Variants in CNOT6L observed in about 807,000 individuals in gnomAD.
CNOT6L encodes CCR4-NOT transcription complex subunit 6 like.
In CNOT6L, 7 loss-of-function variants were observed where a neutral mutation model predicts 64.0. The observed-to-expected ratio is 0.11, with a 90% CI of 0.06 to 0.21. The LOEUF (loss-of-function observed/expected upper bound fraction) is 0.21, where lower values mean the gene tolerates loss of function less well. Ranked by LOEUF, CNOT6L falls within the 10% of genes least tolerant of loss-of-function variation. The probability of loss-of-function intolerance (pLI) is 1.00; values close to 1 mark genes in which losing one functional copy is unlikely to be tolerated. For synonymous variants in CNOT6L, 193 were observed against 243.4 expected, an observed-to-expected ratio of 0.79 and a Z score of 1.93; for missense variants, 245 against 669.0, an observed-to-expected ratio of 0.37 and a Z score of 6.99.
chr4:77,808,391 G>A (rs1221897790), intron 1 of CNOT6L, among the ~76,000 whole-genome samples: 2 of 151,690 alleles, frequency 1.3e-5, no homozygotes, highest in Admixed American at 1.3e-4. Context: ...GAACCTGGGA[G>A]GTGGAGGTTG....
chr4:77,726,044 A>C, intron 11 of CNOT6L, 123 bp downstream of exon 11: 1 of 876,694 alleles, frequency 1.1e-6, no homozygotes, highest in Non-Finnish European at 1.8e-6. Context: ...TACTTAGCCT[A>C]GACATTTTAA....
At chr4:77,798,219 G>T (rs1731097351) in intron 1 of CNOT6L, among the ~76,000 whole-genome samples, 3 of 152,156 alleles carry the variant, frequency 2.0e-5, no homozygotes, top group African/African-American at 7.2e-5. Context: ...GGAGGCTGAG[G>T]CAGGAGGACT....
chr4:77,746,233 T>C (rs560204557), intron 6 of CNOT6L, among the ~76,000 whole-genome samples: 61 of 152,292 alleles, frequency 4.0e-4, no homozygotes, highest in Non-Finnish European at 6.5e-4. Flanking sequence ...CCAAAACTCT[T>C]TATATCCCTG....
chr4:77,751,871 T>TA (rs1289731937), intron 5 of CNOT6L, among the ~76,000 whole-genome samples: 1 of 152,056 alleles, frequency 6.6e-6, no homozygotes, highest in Non-Finnish European at 1.5e-5. Flanking sequence ...GACCTGCCCT[T>TA]AAAAAATAGC....
intron 1 of CNOT6L, among the ~76,000 whole-genome samples, chr4:77,801,694 G>C (rs140483130): frequency 0.035 from 4,739 of 135,834 alleles, 835 homozygotes; most frequent in Middle Eastern, 0.076. Context: ...AAAAATTGGG[G>C]GGGGGGGAGA....
chr4:77,783,083 A>C (rs1268411271), intron 1 of CNOT6L, among the ~76,000 whole-genome samples: 1 of 149,202 alleles, frequency 6.7e-6, no homozygotes, highest in Non-Finnish European at 1.5e-5. Context: ...TTATAAAATA[A>C]TGCAAACATT....
chr4:77,782,873 CAAA>C (rs1172870643), intron 1 of CNOT6L, among the ~76,000 whole-genome samples: 1 of 152,032 alleles, frequency 6.6e-6, no homozygotes, highest in Non-Finnish European at 1.5e-5. Flanking sequence ...GCTGATACTA[CAAA>C]AACTGCCCCT....
chr4:77,818,627 AG>A, intron 1 of CNOT6L, among the ~76,000 whole-genome samples: 1 of 152,258 alleles, frequency 6.6e-6, no homozygotes, highest in East Asian at 1.9e-4. Flanking sequence ...GGCCGGGCGA[AG>A]GCTTGCAGTT....
intron 8 of CNOT6L, among the ~76,000 whole-genome samples, chr4:77,734,565 G>A (rs1722758193): frequency 6.6e-6 from 1 of 151,952 alleles, no homozygotes; most frequent in African/African-American, 2.4e-5. Flanking sequence ...ATTTTTCTGT[G>A]GTCTCAGCTG....
chr4:77,718,685 G>A lies in CNOT6L; in HGVS notation c.*1746C>T, dbSNP rs962366343. 10 of 152,330 alleles carry A rather than the reference G, an allele frequency of 6.6e-5. No individual in the cohort carries two copies. The highest frequency in any genetic ancestry group is 2.2e-4 in the African/African-American group (9 of 41,344). The allele number at this position is 152,330 out of a possible 1,614,324, so 9.4% of individuals were successfully genotyped here. A position where few individuals can be genotyped will look rare whatever the true frequency, so the allele number is the denominator to read the frequency against. On this transcript the variant is annotated 3_prime_UTR_variant, in exon 12 of 12. Transcript: ENST00000504123. ...GATATGACATCATCCCACCACCCTC[G>A]TCCCACTAAAATTACCCTCTGGGGA...
chr4:77,812,982 T>C (rs995025925), intron 1 of CNOT6L, among the ~76,000 whole-genome samples: 5 of 152,198 alleles, frequency 3.3e-5, no homozygotes, highest in Non-Finnish European at 7.4e-5. Context: ...AAGACCATAC[T>C]AGTATAAGGA....
intron 1 of CNOT6L, among the ~76,000 whole-genome samples, chr4:77,804,804 GTATT>G (rs1732031314): frequency 6.6e-6 from 1 of 151,762 alleles, no homozygotes; most frequent in Non-Finnish European, 1.5e-5. Flanking sequence ...AGCATGAGGT[GTATT>G]TATTAATGAA....
chr4:77,762,506 T>A (rs28763712), intron 4 of CNOT6L, among the ~76,000 whole-genome samples: 1 of 152,156 alleles, frequency 6.6e-6, no homozygotes, highest in Non-Finnish European at 1.5e-5. Flanking sequence ...TAACTAGACA[T>A]GCATATGCAA....
Position 77,726,158 on chromosome 4 carries a change from G to A in CNOT6L, c.1455+9C>T. ...TAATTTCTACACCTGCCCAAAGGCT[G>A]CCACTCACTTTGAAATCAAAGGTGT... On this transcript the variant is annotated intron_variant, in intron 11 of 11. Transcript: ENST00000504123. The A allele has an allele frequency of 1.2e-6, 2 of 1,612,152 alleles. No individual in the cohort carries two copies. Among genetic ancestry groups the A allele is most frequent in the Non-Finnish European group, 1.7e-6 (2 of 1,178,298 alleles).
rs114552891 is a variant in CNOT6L at position 77,748,433 on chromosome 4, C to G, written c.491-49G>C. On this transcript the variant is annotated intron_variant, in intron 5 of 11. Coordinates refer to ENST00000504123, the MANE Select transcript of CNOT6L (RefSeq NM_144571.3). ...GGTTAATTTCATGTGTTTCTGAAAT[C>G]TGAAATGTGTTTATAATGTCAAAAA... The G allele has an allele frequency of 1.4e-3, 1,661 of 1,189,440 alleles. 19 individuals carry two copies. The African/African-American group carries it at 0.023, about 17-fold the overall frequency. 73.7% of individuals were successfully genotyped at this position (1,189,440 alleles called of 1,614,324 possible). A position where few individuals can be genotyped will look rare whatever the true frequency, so the allele number is the denominator to read the frequency against.
chr4:77,770,641 G>A (rs922496143), intron 4 of CNOT6L, among the ~76,000 whole-genome samples: 1 of 152,042 alleles, frequency 6.6e-6, no homozygotes, highest in Non-Finnish European at 1.5e-5. Context: ...TAATAAAAAA[G>A]AATTTAACCA....
At chr4:77,723,622 A>C (rs1229849817) in intron 11 of CNOT6L, among the ~76,000 whole-genome samples, 1 of 152,108 alleles carries the variant, frequency 6.6e-6, no homozygotes, top group East Asian at 1.9e-4. Context: ...TTGAAATACT[A>C]TTCTATTGTC....
chr4:77,818,121 G>C (rs1733775401), intron 1 of CNOT6L, among the ~76,000 whole-genome samples: 1 of 152,184 alleles, frequency 6.6e-6, no homozygotes, highest in South Asian at 2.1e-4. Context: ...TGTTTGTTGA[G>C]CCTATCTTGA....
At chr4:77,772,377 C>CCA (rs1727654754) in intron 4 of CNOT6L, among the ~76,000 whole-genome samples, 1 of 152,092 alleles carries the variant, frequency 6.6e-6, no homozygotes, top group Admixed American at 6.6e-5. Flanking sequence ...CAGGCATGCA[C>CCA]CACCACACAC....
Sources: allele counts gnomAD v4.1 joint callset (sites outside exome capture counted in the v4.1 genomes callset), GRCh38; gene constraint gnomAD v4.1.1; transcripts MANE v1.5; gene names NCBI Gene and HGNC (gene_info 2026-07-23, HGNC 2026-07-21).